Variants in TAFA5 observed in about 807,000 individuals in gnomAD.
TAFA5 encodes chemokine-like protein TAFA-5.
TAFA5 carries 6 observed loss-of-function variants against 15.3 expected under a neutral mutation model. That is an observed-to-expected ratio of 0.39 (90% CI 0.21 to 0.77). The LOEUF (loss-of-function observed/expected upper bound fraction) is 0.77. Among genes scored for constraint, TAFA5 ranks in the 30% least tolerant of loss-of-function variants. TAFA5 has a pLI of 0.41. For synonymous variants in TAFA5, 103 were observed against 80.7 expected (o/e 1.28, Z -1.48); for missense variants, 161 against 193.1 (o/e 0.83, Z 0.98).
At chr22:48,551,648 G>C (rs1442986084) in intron 1 of TAFA5, among the ~76,000 whole-genome samples, 2 of 152,154 alleles carry the variant, frequency 1.3e-5, no homozygotes, top group Non-Finnish European at 2.9e-5. Flanking sequence ...GATGTGCATG[G>C]GGTCCTAAGG....
At chr22:48,674,525 G>A (rs1927906554) in intron 2 of TAFA5, among the ~76,000 whole-genome samples, 1 of 152,142 alleles carries the variant, frequency 6.6e-6, no homozygotes, top group Non-Finnish European at 1.5e-5. Context: ...CGGTGTTATT[G>A]ATTGAATCGC....
In TAFA5 at chr22:48,602,595, C is replaced by T. The variant is rs117954762; in HGVS notation, c.113-44002C>T. On this transcript the variant is annotated intron_variant, in intron 1 of 3. Transcript: ENST00000402357. ...CTTGCTGTGGACTCCCCGTTTTCTG[C>T]GACGTGGGCCCTGTGTCTTTGTTGT... Among the ~76,000 whole-genome samples the T allele has an allele frequency of 9.5e-3, 1,445 of 152,296 alleles. 44 individuals are homozygous for T. The East Asian group carries it at 0.12, about 12-fold the overall frequency.
chr22:48,511,961 C>T (rs935919579), intron 1 of TAFA5, among the ~76,000 whole-genome samples: 9 of 152,270 alleles, frequency 5.9e-5, no homozygotes, highest in Non-Finnish European at 1.5e-5. Flanking sequence ...CTCACCATTG[C>T]TAGGCTGAGG....
chr22:48,602,616 G>T (rs993480781), intron 1 of TAFA5, among the ~76,000 whole-genome samples: 1 of 152,214 alleles, frequency 6.6e-6, no homozygotes, highest in Non-Finnish European at 1.5e-5. Context: ...CTGTGTCTTT[G>T]TTGTAACATA....
chr22:48,722,337 C>A (rs130184), intron 3 of TAFA5, among the ~76,000 whole-genome samples: 60,142 of 151,776 alleles, frequency 0.4, 12,842 homozygotes, highest in Non-Finnish European at 0.48. Context: ...CTGGATAAAG[C>A]AAATGTGGCA....
Position 48,667,489 on chromosome 22 carries a change from G to A in TAFA5, c.262+20743G>A, listed in dbSNP as rs536736233. ...TTATCGGTTCTGACATGGGTATTGCGTGTTAGTGAACGTCTTCCACGTGAG... is the reference window on the plus strand; with the variant it reads ...TTATCGGTTCTGACATGGGTATTGCATGTTAGTGAACGTCTTCCACGTGAG... On this transcript the variant is annotated intron_variant, in intron 2 of 3. Coordinates refer to ENST00000402357, the MANE Select transcript of TAFA5 (RefSeq NM_001082967.3). Among the ~76,000 whole-genome samples, 268 of 152,306 alleles carry A rather than the reference G, an allele frequency of 1.8e-3. 1 individual carries two copies. The highest frequency in any genetic ancestry group is 5.3e-3 in the African/African-American group (222 of 41,560).
At chr22:48,561,439 C>G (rs2147132434) in intron 1 of TAFA5, among the ~76,000 whole-genome samples, 1 of 152,286 alleles carries the variant, frequency 6.6e-6, no homozygotes, top group Admixed American at 6.5e-5. Context: ...CACATGGTGT[C>G]CTCAGCAGGG....
chr22:48,684,415 C>G (rs1390482185), intron 2 of TAFA5, among the ~76,000 whole-genome samples: 2 of 152,058 alleles, frequency 1.3e-5, no homozygotes, highest in African/African-American at 4.8e-5. Flanking sequence ...CTCAGAACTC[C>G]CAGCAGCTGT....
At chr22:48,641,472 G>C (rs1267522087) in intron 1 of TAFA5, among the ~76,000 whole-genome samples, 1 of 152,028 alleles carries the variant, frequency 6.6e-6, no homozygotes, top group African/African-American at 2.4e-5. Context: ...GCCTTTCTAA[G>C]AAAACTCCCC....
chr22:48,701,800 G>GCCTC, intron 2 of TAFA5, among the ~76,000 whole-genome samples: 1 of 152,276 alleles, frequency 6.6e-6, no homozygotes. Flanking sequence ...TCCCCTGGCT[G>GCCTC]CCTCCCTCCC....
chr22:48,641,826 T>C (rs1169103026), intron 1 of TAFA5, among the ~76,000 whole-genome samples: 2 of 151,672 alleles, frequency 1.3e-5, no homozygotes, highest in Admixed American at 6.6e-5. Context: ...TTTGTGGGAG[T>C]TGGCACTGGA....
intron 2 of TAFA5, among the ~76,000 whole-genome samples, chr22:48,662,487 G>GGTGATCC (rs1555897181): frequency 6.6e-6 from 1 of 151,622 alleles, no homozygotes; most frequent in African/African-American, 2.4e-5. Flanking sequence ...GTGTGATGGG[G>GGTGATCC]GTGATTCAAG....
At position 48,743,334 on chromosome 22, in the gene TAFA5, G is replaced by A. The variant is rs6010519; in HGVS notation, c.391-6505G>A. On this transcript the variant is annotated intron_variant, in intron 3 of 3. Coordinates refer to ENST00000402357, the MANE Select transcript of TAFA5 (RefSeq NM_001082967.3). Reference sequence around the variant, plus strand: ...CAGCCGCTGTGGCTGCGTGGCTCCCGCCTCTGTCTCTGTCTGCATGGGGCC... The same window carrying A: ...CAGCCGCTGTGGCTGCGTGGCTCCCACCTCTGTCTCTGTCTGCATGGGGCC... 2.1e-3 allele frequency among the ~76,000 whole-genome samples: 318 copies of A among 152,298 alleles called. 1 individual carries two copies. The highest frequency in any genetic ancestry group is 7.3e-3 in the African/African-American group (302 of 41,562).
intron 1 of TAFA5, among the ~76,000 whole-genome samples, chr22:48,492,838 C>G (rs916508675): frequency 6.6e-6 from 1 of 152,176 alleles, no homozygotes; most frequent in South Asian, 2.1e-4. Context: ...GAAGTTGAAG[C>G]TCTTCTCCAT....
intron 1 of TAFA5, among the ~76,000 whole-genome samples, chr22:48,516,645 GT>G (rs1395469097): frequency 3.9e-5 from 6 of 152,238 alleles, no homozygotes; most frequent in Non-Finnish European, 7.3e-5. Flanking sequence ...TCTGCTTCAT[GT>G]CCCATTGTGT....
chr22:48,714,480 C>T lies in TAFA5; in HGVS notation c.390+6636C>T, dbSNP rs1358042417. On this transcript the variant is annotated intron_variant, in intron 3 of 3. Transcript: ENST00000402357. ...AGAGACCCCTGGTCCTTCCCACCCA[C>T]CACCTGGGCCTCAGCTCCCTGCAGA... Among the ~76,000 whole-genome samples the T allele has an allele frequency of 3.3e-5, 5 of 152,206 alleles. No individual in the cohort carries two copies. The East Asian group carries it at 9.6e-4, about 29-fold the overall frequency.
At chr22:48,681,130 C>T (rs1569076845) in intron 2 of TAFA5, among the ~76,000 whole-genome samples, 1 of 152,228 alleles carries the variant, frequency 6.6e-6, no homozygotes, top group Non-Finnish European at 1.5e-5. Context: ...CACTCGGAGG[C>T]AGGGCCTGAG....
intron 1 of TAFA5, among the ~76,000 whole-genome samples, chr22:48,496,735 A>AG (rs1928339124): frequency 6.6e-6 from 1 of 152,128 alleles, no homozygotes; most frequent in Admixed American, 6.5e-5. Flanking sequence ...AGAGTTGTGA[A>AG]GGGCAGGCGG....
rs368300697 is a variant in TAFA5 at position 48,639,904 on chromosome 22, TC to T, written c.113-6688del. Among the ~76,000 whole-genome samples, 190 of 151,910 alleles carry T rather than the reference TC, an allele frequency of 1.3e-3. 3 individuals are homozygous for T. In the East Asian group the frequency reaches 0.032, roughly 25 times the overall value. ...TTGCCGGATGCTTTCTCCATTGCTCTCCCCCTCATCCACAGGCCCCAAATCG... is the reference window on the plus strand; with the variant it reads ...TTGCCGGATGCTTTCTCCATTGCTCTCCCCTCATCCACAGGCCCCAAATCG... On this transcript the variant is annotated intron_variant, in intron 1 of 3. Coordinates refer to ENST00000402357, the MANE Select transcript of TAFA5 (RefSeq NM_001082967.3).
Sources: gnomAD v4.1 joint callset for allele counts (sites outside exome capture counted in the v4.1 genomes callset) on GRCh38, gnomAD v4.1.1 for gene constraint, MANE v1.5 for transcripts, NCBI Gene and HGNC (gene_info 2026-07-23, HGNC 2026-07-21) for gene names.